Variants in NAALADL2 observed in about 807,000 individuals in gnomAD.
The protein encoded by NAALADL2 is inactive N-acetylated-alpha-linked acidic dipeptidase-like protein 2.
In NAALADL2, 76 loss-of-function variants were observed where a neutral mutation model predicts 87.2. The observed-to-expected ratio is 0.87, with a 90% confidence interval of 0.72 to 1.05. The LOEUF (loss-of-function observed/expected upper bound fraction) is 1.05, where lower values mean the gene tolerates loss of function less well. Among genes scored for constraint, NAALADL2 ranks in the 50% least tolerant of loss-of-function variants. The pLI is 0.00. For missense variants in NAALADL2, 1,089 were observed against 945.8 expected, an observed-to-expected ratio of 1.15 and a Z score of -1.99; for synonymous variants, 354 against 331.0, an observed-to-expected ratio of 1.07 and a Z score of -0.75.
intron 1 of NAALADL2, among the ~76,000 whole-genome samples, chr3:174,469,209 GA>G (rs2108306678): frequency 6.6e-6 from 1 of 151,794 alleles, no homozygotes; most frequent in East Asian, 1.9e-4. Context: ...TTCTCCTCTG[GA>G]CATCATTTAT....
At position 175,467,312 on chromosome 3, in the gene NAALADL2, C is replaced by T. The variant is rs1254130801; in HGVS notation, c.1533+128C>T. The T allele has an allele frequency of 1.0e-5, 7 of 685,838 alleles. No homozygotes were observed. The East Asian group carries it at 1.9e-4, about 19-fold the overall frequency. 42.5% of individuals were successfully genotyped at this position (685,838 alleles called of 1,614,324 possible). On this transcript the variant is annotated intron_variant, in intron 8 of 13. Transcript: ENST00000454872. ...CACAAGTGTCATATTGCCTAATTTG[C>T]TGAGATGGCTTATAATAATAATATG...
At chr3:175,191,180 T>TGGGC (rs1738139935) in intron 2 of NAALADL2, among the ~76,000 whole-genome samples, 1 of 152,164 alleles carries the variant, frequency 6.6e-6, no homozygotes, top group Non-Finnish European at 1.5e-5. Context: ...TATGTTAATT[T>TGGGC]ATTTCACTGT....
intron 2 of NAALADL2, among the ~76,000 whole-genome samples, chr3:175,226,559 G>T (rs748753793): frequency 6.6e-6 from 1 of 152,016 alleles, no homozygotes; most frequent in East Asian, 1.9e-4. Flanking sequence ...AATCTAGGAC[G>T]TTCAACATCT....
intron 9 of NAALADL2, among the ~76,000 whole-genome samples, chr3:175,559,801 T>C (rs1193986101): frequency 3.3e-5 from 5 of 152,242 alleles, no homozygotes; most frequent in African/African-American, 1.2e-4. Context: ...TTGATCATGA[T>C]GAATGATCTT....
At chr3:175,024,484 A>T (rs1347257255) in intron 1 of NAALADL2, among the ~76,000 whole-genome samples, 2 of 152,138 alleles carry the variant, frequency 1.3e-5, no homozygotes, top group Non-Finnish European at 2.9e-5. Context: ...ATGATATCTT[A>T]AAGAGAAAAT....
At chr3:175,029,211 TTATACTTC>T (rs1752541883) in intron 1 of NAALADL2, among the ~76,000 whole-genome samples, 1 of 152,072 alleles carries the variant, frequency 6.6e-6, no homozygotes, top group Admixed American at 6.6e-5. Context: ...AAACTTGTTT[TTATACTTC>T]AGCTTTCCTG....
intron 11 of NAALADL2, among the ~76,000 whole-genome samples, chr3:175,647,260 T>C (rs1359541311): frequency 6.6e-6 from 1 of 152,150 alleles, no homozygotes; most frequent in East Asian, 1.9e-4. Context: ...GTAGTTTTAG[T>C]GGTAATTGAC....
intron 1 of NAALADL2, among the ~76,000 whole-genome samples, chr3:175,094,116 A>G (rs1239966919): frequency 3.1e-5 from 4 of 128,194 alleles, no homozygotes; most frequent in Admixed American, 8.0e-5. Flanking sequence ...TCTACGATTC[A>G]ATGTTTTTTA....
intron 9 of NAALADL2, among the ~76,000 whole-genome samples, chr3:175,569,606 A>G (rs774098040): frequency 1.3e-5 from 2 of 152,066 alleles, no homozygotes; most frequent in Non-Finnish European, 2.9e-5. Context: ...ATAAAAAGAG[A>G]GGTAGATACA....
At chr3:175,396,445 TC>T (rs1287363016) in intron 5 of NAALADL2, among the ~76,000 whole-genome samples, 1 of 152,152 alleles carries the variant, frequency 6.6e-6, no homozygotes, top group African/African-American at 2.4e-5. Flanking sequence ...TTTATTAACT[TC>T]TTTCCTTCTG....
chr3:175,534,793 G>A lies in NAALADL2; in HGVS notation c.1654-41248G>A, dbSNP rs140512001. On this transcript the variant is annotated intron_variant, in intron 9 of 13. Transcript: ENST00000454872. ...TTTCTCCATTTCTTTAGGATTTATT[G>A]GTTCTATGATTGGTTTTCTTAGAGT... is the stretch of plus-strand genomic sequence containing the variant. 5.7e-3 allele frequency among the ~76,000 whole-genome samples: 869 copies of A among 151,552 alleles called. 9 individuals carry two copies. The highest frequency in any genetic ancestry group is 0.021 in the Middle Eastern group (6 of 292).
chr3:175,620,516 G>A (rs905189412), intron 10 of NAALADL2, among the ~76,000 whole-genome samples: 10 of 152,154 alleles, frequency 6.6e-5, no homozygotes, highest in African/African-American at 2.4e-4. Context: ...TTCTCCCATA[G>A]TCCACTGCTT....
chr3:175,425,680 G>A (rs112498864), intron 5 of NAALADL2, among the ~76,000 whole-genome samples: 49 of 152,116 alleles, frequency 3.2e-4, no homozygotes, highest in African/African-American at 5.5e-4. Context: ...GTAAAATTAC[G>A]TCATGTAACA....
chr3:174,652,032 T>C (rs1724406947), intron 2 of NAALADL2, among the ~76,000 whole-genome samples: 1 of 152,100 alleles, frequency 6.6e-6, no homozygotes, highest in African/African-American at 2.4e-5. Flanking sequence ...TGGGAAAATA[T>C]TAGACTGCAG....
chr3:175,262,150 A>G (rs1751145063), intron 4 of NAALADL2, among the ~76,000 whole-genome samples: 2 of 152,100 alleles, frequency 1.3e-5, no homozygotes, highest in African/African-American at 4.8e-5. Flanking sequence ...TTTACAATCA[A>G]TAGTTAATGA....
rs1317959460 is a variant in NAALADL2, at chr3:175,791,973, A to T, written c.2190-11032A>T. 2.6e-5 allele frequency among the ~76,000 whole-genome samples: 4 copies of T among 151,564 alleles called. No homozygotes were observed. The South Asian group carries it at 6.2e-4, about 24-fold the overall frequency. ...CTCACAACTTGGAAATTCTTTTCACAATTAACTTTAACATAATCACTAAAA... is the reference window on the plus strand; with the variant it reads ...CTCACAACTTGGAAATTCTTTTCACTATTAACTTTAACATAATCACTAAAA... On this transcript the variant is annotated intron_variant, in intron 13 of 13. Transcript: ENST00000454872.
At chr3:175,080,524 A>G (rs1271232522) in intron 1 of NAALADL2, among the ~76,000 whole-genome samples, 2 of 152,210 alleles carry the variant, frequency 1.3e-5, no homozygotes, top group African/African-American at 2.4e-5. Flanking sequence ...TTGCTCATAT[A>G]TCATAATATA....
intron 2 of NAALADL2, among the ~76,000 whole-genome samples, chr3:175,223,762 T>A (rs1743755729): frequency 6.6e-6 from 1 of 152,168 alleles, no homozygotes; most frequent in Admixed American, 6.6e-5. Context: ...AGTCCAACCA[T>A]AAAATGAAGC....
intron 3 of NAALADL2, among the ~76,000 whole-genome samples, chr3:174,783,036 A>G (rs1716183958): frequency 6.6e-6 from 1 of 152,142 alleles, no homozygotes; most frequent in Non-Finnish European, 1.5e-5. Flanking sequence ...TCTATTTTCT[A>G]GGTTGCATCC....
Sources: gnomAD v4.1 joint callset for allele counts (sites outside exome capture counted in the v4.1 genomes callset) on GRCh38, gnomAD v4.1.1 for gene constraint, MANE v1.5 for transcripts, NCBI Gene and HGNC (gene_info 2026-07-23, HGNC 2026-07-21) for gene names.